VWC2L: variants seen among roughly 807,000 people sequenced by gnomAD.
VWC2L encodes the protein von Willebrand factor C domain-containing protein 2-like.
Under a neutral mutation model 21.6 loss-of-function variants are expected in VWC2L, and 10 were observed. That is an observed-to-expected ratio of 0.46 (90% CI 0.29 to 0.78). The LOEUF (loss-of-function observed/expected upper bound fraction) is 0.78. Ranked by LOEUF, VWC2L falls within the 30% of genes least tolerant of loss-of-function variation. The probability of loss-of-function intolerance (pLI) is 0.10; values close to 1 mark genes in which losing one functional copy is unlikely to be tolerated. For missense variants in VWC2L, 209 were observed against 277.1 expected (o/e 0.75, Z 1.74); for synonymous variants, 96 against 94.3 (o/e 1.02, Z -0.10).
At chr2:214,531,063 T>A (rs1689426000) in intron 3 of VWC2L, among the ~76,000 whole-genome samples, 1 of 152,224 alleles carries the variant, frequency 6.6e-6, no homozygotes, top group African/African-American at 2.4e-5. Context: ...TTAAGTGAAC[T>A]TAACTGTGTT....
At chr2:214,446,283 C>T (rs939257166) in intron 3 of VWC2L, among the ~76,000 whole-genome samples, 4 of 152,120 alleles carry the variant, frequency 2.6e-5, no homozygotes, top group Admixed American at 6.6e-5. Flanking sequence ...GTCTGCATCT[C>T]TACAACTGAA....
chr2:214,428,552 GT>G (rs1702557621), intron 2 of VWC2L, among the ~76,000 whole-genome samples: 1 of 152,056 alleles, frequency 6.6e-6, no homozygotes, highest in East Asian at 1.9e-4. Flanking sequence ...ATGTTTTCAT[GT>G]TACTGCCCAT....
At chr2:214,490,537 GAGA>G (rs895698507) in intron 3 of VWC2L, among the ~76,000 whole-genome samples, 3 of 152,100 alleles carry the variant, frequency 2.0e-5, no homozygotes, top group African/African-American at 7.2e-5. Context: ...CTGGAAGAAG[GAGA>G]AGGACTGATC....
At chr2:214,484,305 A>G (rs1688646517) in intron 3 of VWC2L, among the ~76,000 whole-genome samples, 1 of 152,214 alleles carries the variant, frequency 6.6e-6, no homozygotes. Flanking sequence ...TGCTAGGAAG[A>G]AAATCAACTA....
chr2:214,557,701 A>T (rs1257735899), intron 3 of VWC2L, among the ~76,000 whole-genome samples: 1 of 152,164 alleles, frequency 6.6e-6, no homozygotes, highest in Admixed American at 6.5e-5. Flanking sequence ...CCTACTGCTC[A>T]GAGAAAATAG....
chr2:214,566,610 G>A (rs1690066539), intron 3 of VWC2L, among the ~76,000 whole-genome samples: 1 of 152,064 alleles, frequency 6.6e-6, no homozygotes, highest in South Asian at 2.1e-4. Context: ...AATAAAAAGG[G>A]TTTGGAAGTA....
In VWC2L at chr2:214,432,525, T is replaced by G. The variant is rs138035116; in HGVS notation, c.391-4104T>G. ...GGTTCGTTGCTTTTCATTCTTTCAT[T>G]TTACTTGTTGATTTATAATGGCCAG... On this transcript the variant is annotated intron_variant, in intron 2 of 3. Coordinates refer to ENST00000312504, the MANE Select transcript of VWC2L (RefSeq NM_001080500.4). Among the ~76,000 whole-genome samples, 351 of 152,296 alleles carry G rather than the reference T, an allele frequency of 2.3e-3. 16 individuals are homozygous for G. The East Asian group carries it at 0.06, about 26-fold the overall frequency.
intron 3 of VWC2L, among the ~76,000 whole-genome samples, chr2:214,488,436 A>T (rs1409064728): frequency 6.6e-6 from 1 of 152,102 alleles, no homozygotes; most frequent in Non-Finnish European, 1.5e-5. Context: ...TGTCTCTACA[A>T]AAAAATACAA....
At chr2:214,500,744 A>C (rs796339868) in intron 3 of VWC2L, among the ~76,000 whole-genome samples, 47 of 152,380 alleles carry the variant, frequency 3.1e-4, no homozygotes, top group African/African-American at 1.1e-3. Context: ...AGAATGAAGG[A>C]GAGAATCAGT....
Position 214,578,405 on chromosome 2 carries a change from T to C in VWC2L, c.*2585T>C, listed in dbSNP as rs1690266399. ...GCAGAAAGCAGGCTGTTCTGTGGCC[T>C]CTGATAACCAGCTAGAGAGAGGGAT... is the stretch of plus-strand genomic sequence containing the variant. On this transcript the variant is annotated 3_prime_UTR_variant, in exon 4 of 4. Transcript: ENST00000312504. The C allele has an allele frequency of 6.6e-6, 1 of 152,218 alleles. No homozygotes were observed. Among genetic ancestry groups the C allele is most frequent in the Non-Finnish European group, 1.5e-5 (1 of 68,036 alleles). The allele number at this position is 152,218 out of a possible 1,614,324, so 9.4% of individuals were successfully genotyped here.
intron 3 of VWC2L, among the ~76,000 whole-genome samples, chr2:214,455,491 C>A (rs937113545): frequency 1.3e-5 from 2 of 152,104 alleles, no homozygotes; most frequent in Non-Finnish European, 2.9e-5. Context: ...ATGACCAACT[C>A]CGAGTATTCA....
At chr2:214,572,873 C>A (rs1690172817) in intron 3 of VWC2L, among the ~76,000 whole-genome samples, 1 of 152,110 alleles carries the variant, frequency 6.6e-6, no homozygotes, top group Admixed American at 6.6e-5. Flanking sequence ...GAGGTAAGAG[C>A]TTACCATATG....
rs951071187 is a variant in VWC2L, at chr2:214,576,519, C to T, written c.*699C>T. On this transcript the variant is annotated 3_prime_UTR_variant, in exon 4 of 4. Transcript: ENST00000312504. The stretch of plus-strand genomic sequence containing the variant: ...ACCACACATTTCATATGGAAAACCT[C>T]GAAACTGCCAATCAAAATCTATTAC... The T allele has an allele frequency of 6.6e-6, 1 of 152,132 alleles. No homozygotes were observed. Among genetic ancestry groups the T allele is most frequent in the Non-Finnish European group, 1.5e-5 (1 of 68,018 alleles). 9.4% of individuals were successfully genotyped at this position (152,132 alleles called of 1,614,324 possible).
intron 3 of VWC2L, among the ~76,000 whole-genome samples, chr2:214,496,449 A>C (rs993805586): frequency 2.0e-5 from 3 of 152,140 alleles, no homozygotes; most frequent in Non-Finnish European, 4.4e-5. Flanking sequence ...TTTTTCAACT[A>C]TCTGTTATAC....
chr2:214,569,485 T>C (rs1306146552), intron 3 of VWC2L, among the ~76,000 whole-genome samples: 1 of 152,192 alleles, frequency 6.6e-6, no homozygotes, highest in Non-Finnish European at 1.5e-5. Context: ...TTTTCTGATT[T>C]GGGTGACATA....
At chr2:214,420,287 G>T (rs1702420149) in intron 2 of VWC2L, among the ~76,000 whole-genome samples, 1 of 152,122 alleles carries the variant, frequency 6.6e-6, no homozygotes, top group African/African-American at 2.4e-5. Context: ...TTGGAATTCA[G>T]GTTTGGGAGA....
intron 3 of VWC2L, chr2:214,525,462 A>T (rs1340123935): frequency 6.6e-6 from 1 of 152,204 alleles, no homozygotes; most frequent in South Asian, 2.1e-4. Flanking sequence ...AGTTTGGGAA[A>T]TGCTGGATTT....
chr2:214,503,942 G>A (rs780768141), intron 3 of VWC2L, among the ~76,000 whole-genome samples: 2 of 151,620 alleles, frequency 1.3e-5, no homozygotes, highest in African/African-American at 2.4e-5. Context: ...TCTGTGGATA[G>A]ATTATTCTGC....
intron 3 of VWC2L, among the ~76,000 whole-genome samples, chr2:214,526,331 T>A (rs1689337198): frequency 6.6e-6 from 1 of 152,146 alleles, no homozygotes; most frequent in Non-Finnish European, 1.5e-5. Flanking sequence ...TAGAGCTACA[T>A]CACCATGTAG....
Sources: gnomAD v4.1 joint callset for allele counts (sites outside exome capture counted in the v4.1 genomes callset) on GRCh38, gnomAD v4.1.1 for gene constraint, MANE v1.5 for transcripts, NCBI Gene and HGNC (gene_info 2026-07-23, HGNC 2026-07-21) for gene names.